The following CLMP variants were observed in gnomAD, a reference collection of about 807,000 sequenced individuals.
CLMP encodes CXADR like cell adhesion molecule.
CLMP carries 27 observed loss-of-function variants against 45.2 expected under a neutral mutation model. The observed-to-expected ratio is 0.60, with a 90% confidence interval of 0.44 to 0.82. The LOEUF (loss-of-function observed/expected upper bound fraction) is 0.82, where lower values mean the gene tolerates loss of function less well. CLMP is among the 40% of genes least tolerant of loss of function. CLMP has a pLI of 0.00. For synonymous variants in CLMP, 167 were observed against 171.4 expected, an observed-to-expected ratio of 0.97 and a Z score of 0.20; for missense variants, 403 against 448.4, an observed-to-expected ratio of 0.90 and a Z score of 0.91.
At chr11:123,150,584 A>AG (rs1565397744) in intron 1 of CLMP, among the ~76,000 whole-genome samples, 1 of 131,674 alleles carries the variant, frequency 7.6e-6, no homozygotes, top group African/African-American at 2.9e-5. Context: ...AAGGAAGGAA[A>AG]GGAAGGAAGG....
chr11:123,082,602 GT>G (rs72001163), intron 5 of CLMP, among the ~76,000 whole-genome samples: 1 of 141,264 alleles, frequency 7.1e-6, no homozygotes, highest in Non-Finnish European at 1.5e-5. Flanking sequence ...CGCTGGGCTG[GT>G]TTTTTTTGTG....
chr11:123,145,452 G>GT (rs66487810), intron 1 of CLMP, among the ~76,000 whole-genome samples: 3,118 of 61,738 alleles, frequency 0.051, 367 homozygotes, highest in Non-Finnish European at 0.063. Flanking sequence ...CTCTGCGGCT[G>GT]TTTTTTTTTT....
At chr11:123,171,117 C>T (rs1412433967) in intron 1 of CLMP, among the ~76,000 whole-genome samples, 1 of 152,090 alleles carries the variant, frequency 6.6e-6, no homozygotes, top group African/African-American at 2.4e-5. Flanking sequence ...CTGAGCTTGG[C>T]CTTAAATGCC....
At chr11:123,188,443 TTCC>T (rs992332867) in intron 1 of CLMP, among the ~76,000 whole-genome samples, 8 of 148,524 alleles carry the variant, frequency 5.4e-5, no homozygotes, top group Non-Finnish European at 1.0e-4. Context: ...CCTCCTCCTC[TTCC>T]TCCTCTTCTT....
Position 123,118,999 on chromosome 11 carries a change from T to TTCTC in CLMP, c.29-21051_29-21048dup, listed in dbSNP as rs1248549147. Among the ~76,000 whole-genome samples the TTCTC allele has an allele frequency of 2.1e-4, 3 of 14,152 alleles. 1 individual carries two copies. Among genetic ancestry groups the TTCTC allele is most frequent in the Non-Finnish European group, 3.8e-4 (3 of 7,832 alleles). The allele number at this position is 14,152 out of a possible 152,430, so 9.3% of individuals were successfully genotyped here. A position where few individuals can be genotyped will look rare whatever the true frequency, so the allele number is the denominator to read the frequency against. On this transcript the variant is annotated intron_variant, in intron 1 of 6. Transcript: ENST00000448775. ...TTTCTTTCTTTCTTTCTTTCTTTCT[T>TTCTC]TCTCTCTCTCTCTCTCTCTCTCTCT...
intron 1 of CLMP, among the ~76,000 whole-genome samples, chr11:123,187,738 C>A (rs1289063999): frequency 6.6e-6 from 1 of 152,078 alleles, no homozygotes; most frequent in Non-Finnish European, 1.5e-5. Context: ...GTAACTGTGT[C>A]ACTGGCAGGT....
At chr11:123,106,443 G>A (rs1389650560) in intron 1 of CLMP, among the ~76,000 whole-genome samples, 2 of 148,808 alleles carry the variant, frequency 1.3e-5, no homozygotes, top group African/African-American at 2.5e-5. Flanking sequence ...GCGCGCGCAC[G>A]TGCCTGCCTT....
intron 1 of CLMP, among the ~76,000 whole-genome samples, chr11:123,156,448 C>T (rs1861415795): frequency 6.6e-6 from 1 of 152,174 alleles, no homozygotes; most frequent in Non-Finnish European, 1.5e-5. Flanking sequence ...GAGCCAGGAC[C>T]GCCTAGCTAA....
At chr11:123,193,872 G>C (rs941352532) in intron 1 of CLMP, among the ~76,000 whole-genome samples, 6 of 152,172 alleles carry the variant, frequency 3.9e-5, no homozygotes, top group African/African-American at 1.2e-4. Context: ...TTCAAAACCA[G>C]GACCAGCTCT....
chr11:123,160,279 CAAAAAAAAAAAAA>C (rs67087501), intron 1 of CLMP, among the ~76,000 whole-genome samples: 4 of 46,670 alleles, frequency 8.6e-5, no homozygotes, highest in African/African-American at 2.0e-4. Flanking sequence ...GACTCTGTCT[CAAAAAAAAAAAAA>C]AAAAAAAAAA....
chr11:123,181,794 AAGTGAC>A (rs1443441040), intron 1 of CLMP, among the ~76,000 whole-genome samples: 4 of 152,264 alleles, frequency 2.6e-5, no homozygotes, highest in African/African-American at 9.6e-5. Flanking sequence ...ATTCTGAGAA[AAGTGAC>A]AGTTCGATTT....
chr11:123,191,455 T>C (rs934801623), intron 1 of CLMP: 6 of 152,258 alleles, frequency 3.9e-5, no homozygotes, highest in African/African-American at 1.4e-4. Flanking sequence ...AAACTCACTT[T>C]CTGCGAAACC....
chr11:123,183,616 CT>C (rs1203388093), intron 1 of CLMP, among the ~76,000 whole-genome samples: 3 of 152,174 alleles, frequency 2.0e-5, no homozygotes, highest in Admixed American at 6.5e-5. Context: ...AGTTTTAGCA[CT>C]GAGAATCCTG....
At chr11:123,113,166 G>A (rs1860666795) in intron 1 of CLMP, among the ~76,000 whole-genome samples, 1 of 152,112 alleles carries the variant, frequency 6.6e-6, no homozygotes, top group Non-Finnish European at 1.5e-5. Context: ...TCCAGTTGTG[G>A]GTACCACAAA....
chr11:123,140,136 G>A (rs1437872218), intron 1 of CLMP, among the ~76,000 whole-genome samples: 2 of 152,220 alleles, frequency 1.3e-5, no homozygotes, highest in Non-Finnish European at 2.9e-5. Flanking sequence ...TCGTAAAGTT[G>A]CATAGGCAAA....
rs562514574 is a variant in CLMP at position 123,118,524 on chromosome 11, T to C, written c.29-20572A>G. ...TAGCTCATGCTTGACAAAGAAAATATTGGAGCTTCTTTTCTGCCAGAGACA... is the reference window on the plus strand; with the variant it reads ...TAGCTCATGCTTGACAAAGAAAATACTGGAGCTTCTTTTCTGCCAGAGACA... On this transcript the variant is annotated intron_variant, in intron 1 of 6. Transcript: ENST00000448775. Among the ~76,000 whole-genome samples the C allele has an allele frequency of 5.3e-5, 8 of 152,304 alleles. No individual in the cohort carries two copies. In the South Asian group the frequency reaches 1.0e-3, roughly 20 times the overall value.
intron 1 of CLMP, among the ~76,000 whole-genome samples, chr11:123,098,312 C>T (rs569775822): frequency 6.6e-6 from 1 of 152,144 alleles, no homozygotes; most frequent in Admixed American, 6.5e-5. Context: ...ACTGCAACCT[C>T]TGCCTCCTGA....
intron 1 of CLMP, among the ~76,000 whole-genome samples, chr11:123,152,977 G>A (rs1218687480): frequency 6.6e-6 from 1 of 152,178 alleles, no homozygotes; most frequent in Non-Finnish European, 1.5e-5. Context: ...GCCACTGGCG[G>A]ATACAAATTG....
In CLMP at chr11:123,189,773, C is replaced by T. The variant is rs114493955; in HGVS notation, c.28+5140G>A. Among the ~76,000 whole-genome samples, 686 of 152,036 alleles carry T rather than the reference C, an allele frequency of 4.5e-3. 6 individuals carry two copies. The highest frequency in any genetic ancestry group is 0.016 in the African/African-American group (648 of 41,484). ...CTGTAATCCCAGCCCATTGGGAGGC[C>T]GATGATCACTTGGGGTCAGGAGTTT... is the stretch of plus-strand genomic sequence containing the variant. On this transcript the variant is annotated intron_variant, in intron 1 of 6. Transcript: ENST00000448775.
Sources: allele counts gnomAD v4.1 joint callset (sites outside exome capture counted in the v4.1 genomes callset), GRCh38; gene constraint gnomAD v4.1.1; transcripts MANE v1.5; gene names NCBI Gene and HGNC (gene_info 2026-07-23, HGNC 2026-07-21).